Variants in TANC2 observed in about 807,000 individuals in gnomAD.
TANC2 encodes the protein protein TANC2.
TANC2 carries 26 observed loss-of-function variants against 210.5 expected under a neutral mutation model. That is an observed-to-expected ratio of 0.12 (90% confidence interval 0.09 to 0.17). The LOEUF (loss-of-function observed/expected upper bound fraction) is 0.17. Among genes scored for constraint, TANC2 ranks in the 10% least tolerant of loss-of-function variants. TANC2 has a pLI of 1.00. For synonymous variants in TANC2, 931 were observed against 967.1 expected (o/e 0.96, Z 0.69); for missense variants, 2,129 against 2,608.9 (o/e 0.82, Z 4.01).
At chr17:63,056,275 G>A (rs980274928) in intron 2 of TANC2, among the ~76,000 whole-genome samples, 2 of 150,902 alleles carry the variant, frequency 1.3e-5, no homozygotes, top group African/African-American at 4.9e-5. Flanking sequence ...AGCTAATGAC[G>A]ACTTTTATGA....
At chr17:63,374,197 T>C (rs913246814) in intron 14 of TANC2, among the ~76,000 whole-genome samples, 2 of 151,872 alleles carry the variant, frequency 1.3e-5, no homozygotes, top group Non-Finnish European at 2.9e-5. Flanking sequence ...CCAGCACAAC[T>C]GGCTAACTTT....
chr17:63,333,494 C>G (rs1016272129), intron 11 of TANC2, among the ~76,000 whole-genome samples: 3 of 152,044 alleles, frequency 2.0e-5, no homozygotes. Context: ...GGGGTTGCTT[C>G]CTATGGAAGA....
In TANC2 at chr17:63,088,100, A is replaced by G. The variant is rs557900748; in HGVS notation, c.140-11075A>G. ...GTACTCCATCTTTCCTGGAATTGGA[A>G]CCTAATTAAATTTTTCAAATATATG... is the stretch of plus-strand genomic sequence containing the variant. On this transcript the variant is annotated intron_variant, in intron 3 of 27. Transcript: ENST00000689528. 8 of 152,242 alleles carry G rather than the reference A, an allele frequency of 5.3e-5. No homozygotes were observed. In the South Asian group the frequency reaches 1.7e-3, roughly 32 times the overall value. The allele number at this position is 152,242 out of a possible 1,614,324, so 9.4% of individuals were successfully genotyped here. A position where few individuals can be genotyped will look rare whatever the true frequency, so the allele number is the denominator to read the frequency against.
chr17:63,389,601 A>G, intron 17 of TANC2, 57 bp downstream of exon 17: 2 of 1,450,254 alleles, frequency 1.4e-6, no homozygotes, highest in East Asian at 4.9e-5. Flanking sequence ...TTCGATGCAT[A>G]CTCTTTCTTA....
At chr17:63,319,048 G>C in exon 11 of TANC2, 1 of 1,613,664 alleles carries the variant, frequency 6.2e-7, no homozygotes, top group Non-Finnish European at 8.5e-7. Context: ...CTCCGGAAAT[G>C]CGCAGGCGGC....
intron 7 of TANC2, among the ~76,000 whole-genome samples, chr17:63,207,211 CTTTTT>C (rs948663767): frequency 1.8e-5 from 2 of 113,806 alleles, no homozygotes; most frequent in African/African-American, 3.6e-5. Flanking sequence ...TTTTTTTTTC[CTTTTT>C]TTTTTTTTTT....
chr17:62,996,485 C>CT (rs375573574), intron 1 of TANC2, among the ~76,000 whole-genome samples: 85 of 148,450 alleles, frequency 5.7e-4, no homozygotes, highest in East Asian at 2.0e-3. Flanking sequence ...CGTCACTTCC[C>CT]TTTTTTTTTT....
chr17:63,060,769 T>C (rs1251398902), intron 2 of TANC2, among the ~76,000 whole-genome samples: 2 of 152,242 alleles, frequency 1.3e-5, no homozygotes, highest in East Asian at 3.8e-4. Flanking sequence ...AATAACAGTA[T>C]TCACTGAGTT....
At chr17:63,011,243 T>G (rs9904474) in intron 2 of TANC2, among the ~76,000 whole-genome samples, 76,897 of 147,870 alleles carry the variant, frequency 0.52, 20,911 homozygotes, top group African/African-American at 0.72. Context: ...GTGTGTGTGT[T>G]TTTTTTACTA....
intron 7 of TANC2, among the ~76,000 whole-genome samples, chr17:63,228,897 C>G (rs1047125942): frequency 1.3e-5 from 2 of 152,194 alleles, no homozygotes; most frequent in Non-Finnish European, 2.9e-5. Context: ...GACTTCCTCT[C>G]TTCCTATTTG....
rs114601337 is a variant in TANC2 at position 63,332,347 on chromosome 17, G to A, written c.1576-7754G>A. ...CTTACTAATTCCACTTCTTGATTGG[G>A]TGAATTTTCTACAGTAAGTTTTTCA... On this transcript the variant is annotated intron_variant, in intron 11 of 27. Coordinates refer to ENST00000689528, the Ensembl canonical transcript of TANC2. 2.4e-3 allele frequency: 722 copies of A among 306,192 alleles called. 6 individuals carry two copies. Among genetic ancestry groups the A allele is most frequent in the African/African-American group, 0.014 (603 of 44,610 alleles). The allele number at this position is 306,192 out of a possible 1,614,324, so 19.0% of individuals were successfully genotyped here.
intron 9 of TANC2, among the ~76,000 whole-genome samples, chr17:63,273,148 T>C (rs2043766113): frequency 6.6e-6 from 1 of 151,944 alleles, no homozygotes; most frequent in Non-Finnish European, 1.5e-5. Context: ...ATTTAAAAAT[T>C]AGCCATGCAT....
At chr17:63,001,522 TTTC>T (rs1332046485) in intron 1 of TANC2, among the ~76,000 whole-genome samples, 3 of 140,846 alleles carry the variant, frequency 2.1e-5, no homozygotes, top group Non-Finnish European at 3.2e-5. Flanking sequence ...TCGTTTTTCT[TTTC>T]TTTTCTTTTT....
intron 1 of TANC2, among the ~76,000 whole-genome samples, chr17:63,006,130 C>T (rs1195073957): frequency 6.6e-6 from 1 of 152,058 alleles, no homozygotes; most frequent in Non-Finnish European, 1.5e-5. Context: ...ATGATGTCCT[C>T]TATTTCATTT....
At chr17:63,112,378 T>C (rs2038083863) in intron 4 of TANC2, among the ~76,000 whole-genome samples, 1 of 152,170 alleles carries the variant, frequency 6.6e-6, no homozygotes, top group South Asian at 2.1e-4. Context: ...GGGGAGGCAG[T>C]AGGCAAAGTT....
Position 62,981,550 on chromosome 17 carries a change from A to G in TANC2, c.-24+14801A>G, listed in dbSNP as rs527656573. Among the ~76,000 whole-genome samples the G allele has an allele frequency of 3.3e-5, 5 of 152,168 alleles. No individual in the cohort carries two copies. The East Asian group carries it at 5.8e-4, about 18-fold the overall frequency. ...CTCATGTCATCTGACTATATTACCTACAACCTCTTATTGTTGTTGACTGTA... is the reference window on the plus strand; with the variant it reads ...CTCATGTCATCTGACTATATTACCTGCAACCTCTTATTGTTGTTGACTGTA... On this transcript the variant is annotated intron_variant, in intron 1 of 27. Transcript: ENST00000689528.
At chr17:63,370,671 G>A (rs1041011915) in intron 14 of TANC2, among the ~76,000 whole-genome samples, 7 of 152,164 alleles carry the variant, frequency 4.6e-5, no homozygotes, top group Non-Finnish European at 7.3e-5. Context: ...CACATGTTTT[G>A]GAAGAGGTCT....
chr17:63,346,850 C>A (rs1257823553), intron 12 of TANC2, among the ~76,000 whole-genome samples: 1 of 151,960 alleles, frequency 6.6e-6, no homozygotes, highest in African/African-American at 2.4e-5. Flanking sequence ...GGGCTACAGG[C>A]ATACACCACC....
chr17:63,395,914 A>C, exon 18 of TANC2: 1 of 1,596,068 alleles, frequency 6.3e-7, no homozygotes, highest in Non-Finnish European at 8.6e-7. Context: ...TGCAGCCAGC[A>C]TGGGTTATAC....
Sources: allele counts gnomAD v4.1 joint callset (sites outside exome capture counted in the v4.1 genomes callset), GRCh38; gene constraint gnomAD v4.1.1; transcripts MANE v1.5; gene names NCBI Gene and HGNC (gene_info 2026-07-23, HGNC 2026-07-21).